Variants in MECOM observed in about 807,000 individuals in gnomAD.
MECOM encodes histone-lysine N-methyltransferase MECOM.
In MECOM, 13 loss-of-function variants were observed where a neutral mutation model predicts 116.3. That is an observed-to-expected ratio of 0.11 (90% CI 0.07 to 0.18). The LOEUF (loss-of-function observed/expected upper bound fraction) is 0.18. MECOM is among the 10% of genes least tolerant of loss of function. The pLI, the probability that MECOM is intolerant of heterozygous loss-of-function variation, is 1.00. For synonymous variants in MECOM, 528 were observed against 535.2 expected (o/e 0.99, Z 0.19); for missense variants, 1,299 against 1,509.0 (o/e 0.86, Z 2.31).
intron 2 of MECOM, among the ~76,000 whole-genome samples, chr3:169,283,671 A>G (rs915664981): frequency 2.6e-5 from 4 of 152,182 alleles, no homozygotes; most frequent in Admixed American, 2.0e-4. Flanking sequence ...TACTCTAAGT[A>G]GTGAAATTAT....
chr3:169,490,585 A>C (rs1433808911), intron 1 of MECOM, among the ~76,000 whole-genome samples: 1 of 152,252 alleles, frequency 6.6e-6, no homozygotes, highest in Non-Finnish European at 1.5e-5. Flanking sequence ...AGTAAAAAAA[A>C]GCAAGTTGAA....
intron 1 of MECOM, among the ~76,000 whole-genome samples, chr3:169,387,613 T>C (rs1420245512): frequency 1.3e-5 from 2 of 152,224 alleles, no homozygotes; most frequent in African/African-American, 2.4e-5. Flanking sequence ...ATTAAGAGCA[T>C]ATATACATAC....
At chr3:169,248,810 G>C (rs1755907984) in intron 2 of MECOM, among the ~76,000 whole-genome samples, 1 of 152,176 alleles carries the variant, frequency 6.6e-6, no homozygotes, top group South Asian at 2.1e-4. Flanking sequence ...ATAGTAAGTA[G>C]GTAGAGATCT....
chr3:169,640,328 T>A (rs1039439402), intron 1 of MECOM, among the ~76,000 whole-genome samples: 2 of 152,114 alleles, frequency 1.3e-5, no homozygotes, highest in African/African-American at 4.8e-5. Context: ...TCATCCAAGG[T>A]TGAAAGAAGT....
chr3:169,605,714 A>G (rs1459457162), intron 1 of MECOM, among the ~76,000 whole-genome samples: 1 of 152,228 alleles, frequency 6.6e-6, no homozygotes, highest in African/African-American at 2.4e-5. Context: ...CTATAGGCTA[A>G]ATCATCAATG....
At chr3:169,146,293 T>C in intron 2 of MECOM, 1 of 1,261,156 alleles carries the variant, frequency 7.9e-7, no homozygotes, top group Non-Finnish European at 1.0e-6. Context: ...AGCAAAGCTG[T>C]TACTTGGCAA....
At chr3:169,149,983 C>G (rs528130300) in intron 2 of MECOM, among the ~76,000 whole-genome samples, 33 of 142,974 alleles carry the variant, frequency 2.3e-4, no homozygotes, top group South Asian at 1.1e-3. Context: ...GTGTGTCTGT[C>G]TGTCTGTCTG....
At chr3:169,127,768 G>C (rs1733373055) in intron 5 of MECOM, 76 bp downstream of exon 5, 2 of 1,345,546 alleles carry the variant, frequency 1.5e-6, no homozygotes, top group African/African-American at 2.9e-5. Context: ...TTTTCCATCT[G>C]CACAAAGCCT....
chr3:169,113,526 G>A (rs952528339), intron 8 of MECOM, among the ~76,000 whole-genome samples: 2 of 151,918 alleles, frequency 1.3e-5, no homozygotes, highest in Admixed American at 1.3e-4. Flanking sequence ...GATAGAATGG[G>A]TGTGGTGAGA....
rs1270059865 is a variant in MECOM at position 169,095,131 on chromosome 3, A to G, written c.2964T>C (p.Gly988=). 1.2e-6 allele frequency: 2 copies of G among 1,613,238 alleles called. No homozygotes were observed. Among genetic ancestry groups the G allele is most frequent in the South Asian group, 2.2e-5 (2 of 90,830 alleles). The change falls in exon 13 of 17, where the codon GGT becomes GGC. Residue 988 remains glycine (G), a synonymous_variant. Coordinates refer to ENST00000651503, the MANE Select transcript of MECOM (RefSeq NM_004991.4). Reference sequence around the variant, plus strand: ...GGTGTCTGTCTAAATTGGTTTGTTGACCAAAACACCTATCACATAAGTGAC... The same window carrying G: ...GGTGTCTGTCTAAATTGGTTTGTTGGCCAAAACACCTATCACATAAGTGAC... ...FKCHLCDRCF[G]QQTNLDRHLK...
chr3:169,585,417 G>A (rs1765668008), intron 1 of MECOM, among the ~76,000 whole-genome samples: 1 of 152,116 alleles, frequency 6.6e-6, no homozygotes, highest in Admixed American at 6.5e-5. Context: ...AAAAGTTTGT[G>A]GAAGTTCTAT....
At chr3:169,530,801 T>C (rs1345287358) in intron 1 of MECOM, among the ~76,000 whole-genome samples, 3 of 152,088 alleles carry the variant, frequency 2.0e-5, no homozygotes, top group Admixed American at 6.5e-5. Flanking sequence ...TTAAATGGTA[T>C]AATGTCCATG....
intron 1 of MECOM, among the ~76,000 whole-genome samples, chr3:169,484,662 T>C (rs1162778480): frequency 6.6e-6 from 1 of 152,226 alleles, no homozygotes; most frequent in Non-Finnish European, 1.5e-5. Flanking sequence ...TTGAGACATC[T>C]CAGCTAATAA....
intron 2 of MECOM, among the ~76,000 whole-genome samples, chr3:169,235,898 C>T (rs1469040273): frequency 2.0e-5 from 3 of 150,938 alleles, no homozygotes; most frequent in African/African-American, 7.3e-5. Context: ...ACAGACGCTC[C>T]TTGACTTATA....
At chr3:169,626,657 G>A (rs1300487581) in intron 1 of MECOM, among the ~76,000 whole-genome samples, 4 of 152,160 alleles carry the variant, frequency 2.6e-5, no homozygotes, top group African/African-American at 9.7e-5. Context: ...GGATTGAGCA[G>A]CCTAGCTTTT....
intron 1 of MECOM, among the ~76,000 whole-genome samples, chr3:169,430,775 A>C (rs1041403703): frequency 6.6e-6 from 1 of 152,168 alleles, no homozygotes; most frequent in Admixed American, 6.5e-5. Context: ...TCTAGTACCA[A>C]TCATTAGATA....
rs187372529 is a variant in MECOM, at chr3:169,503,950, A to G, written c.38-122426T>C. ...TCTTGTAATAGTATCAATTGTTTCA[A>G]TATGTAAAACTCTGTTTAAAGCTAT... On this transcript the variant is annotated intron_variant, in intron 1 of 16. Coordinates refer to ENST00000651503, the MANE Select transcript of MECOM (RefSeq NM_004991.4). 7.2e-5 allele frequency among the ~76,000 whole-genome samples: 11 copies of G among 152,228 alleles called. No individual in the cohort carries two copies. The East Asian group carries it at 1.9e-3, about 27-fold the overall frequency.
At chr3:169,119,988 G>A (rs1159370549) in intron 7 of MECOM, among the ~76,000 whole-genome samples, 3 of 152,148 alleles carry the variant, frequency 2.0e-5, no homozygotes, top group Non-Finnish European at 4.4e-5. Flanking sequence ...GCAAAGGAGA[G>A]TTAGTCTCTG....
chr3:169,391,115 G>A lies in MECOM; in HGVS notation c.38-9591C>T, dbSNP rs532358094. Among the ~76,000 whole-genome samples, 4 of 152,298 alleles carry A rather than the reference G, an allele frequency of 2.6e-5. No individual in the cohort carries two copies. The East Asian group carries it at 7.7e-4, about 29-fold the overall frequency. ...ATAATTATGCATGTCTGGCAGAAGA[G>A]GGAGTTGTAGCAATGGCTTGCTGGT... is the stretch of plus-strand genomic sequence containing the variant. On this transcript the variant is annotated intron_variant, in intron 1 of 16. Coordinates refer to ENST00000651503, the MANE Select transcript of MECOM (RefSeq NM_004991.4).
Sources: allele counts gnomAD v4.1 joint callset (sites outside exome capture counted in the v4.1 genomes callset), GRCh38; gene constraint gnomAD v4.1.1; transcripts MANE v1.5; gene names NCBI Gene and HGNC (gene_info 2026-07-23, HGNC 2026-07-21).